NBAS: variants seen among roughly 807,000 people sequenced by gnomAD.
NBAS encodes the protein NAG/BC035112 fusion.
Under a neutral mutation model 302.5 loss-of-function variants are expected in NBAS, and 219 were observed. The observed-to-expected ratio is 0.72, with a 90% confidence interval of 0.65 to 0.81. The LOEUF (loss-of-function observed/expected upper bound fraction) is 0.81. NBAS is among the 30% of genes least tolerant of loss of function. The pLI, the probability that NBAS is intolerant of heterozygous loss-of-function variation, is 0.00. For synonymous variants in NBAS, 1,118 were observed against 1,021.6 expected (o/e 1.09, Z -1.80); for missense variants, 2,932 against 2,841.6 (o/e 1.03, Z -0.72).
At chr2:15,385,678 T>C (rs1675256768) in intron 28 of NBAS, among the ~76,000 whole-genome samples, 1 of 152,208 alleles carries the variant, frequency 6.6e-6, no homozygotes, top group South Asian at 2.1e-4. Context: ...TGTGAAGATT[T>C]GCTGACATCT....
At chr2:15,089,941 G>A in the NBAS span, among the ~76,000 whole-genome samples, 1 of 151,896 alleles carries the variant, frequency 6.6e-6, no homozygotes, top group African/African-American at 2.4e-5. Flanking sequence ...GTAGAGACGG[G>A]GTTTCACCAT....
intron 42 of NBAS, among the ~76,000 whole-genome samples, chr2:15,285,143 G>A (rs144529757): frequency 2.0e-5 from 3 of 152,212 alleles, no homozygotes; most frequent in Non-Finnish European, 2.9e-5. Context: ...CAAAAATGAC[G>A]TCCATGCAAT....
chr2:15,077,278 G>A, the NBAS span, among the ~76,000 whole-genome samples: 3 of 152,108 alleles, frequency 2.0e-5, no homozygotes, highest in African/African-American at 7.2e-5. Flanking sequence ...GAACAGCATG[G>A]GGGAAACTGC....
the NBAS span, among the ~76,000 whole-genome samples, chr2:14,880,657 A>T: frequency 3.6e-4 from 54 of 152,020 alleles, no homozygotes; most frequent in Admixed American, 7.9e-4. Flanking sequence ...GATGAAAAAG[A>T]CCAAAAGAAA....
intron 44 of NBAS, among the ~76,000 whole-genome samples, chr2:15,246,512 T>G (rs1371317941): frequency 6.6e-6 from 1 of 152,228 alleles, no homozygotes; most frequent in Non-Finnish European, 1.5e-5. Context: ...GCAATAAAAT[T>G]ACATGTTCTC....
chr2:15,100,338 G>A, the NBAS span, among the ~76,000 whole-genome samples: 1 of 152,168 alleles, frequency 6.6e-6, no homozygotes, highest in Non-Finnish European at 1.5e-5. Flanking sequence ...CAAGAGTGTG[G>A]TTATAAAGAT....
chr2:15,087,449 T>C, the NBAS span, among the ~76,000 whole-genome samples: 10,408 of 152,252 alleles, frequency 0.068, 858 homozygotes, highest in African/African-American at 0.18. Context: ...CCTTGGTCTG[T>C]CCTTCATCCC....
intron 21 of NBAS, among the ~76,000 whole-genome samples, chr2:15,440,588 C>G (rs1007659198): frequency 6.6e-6 from 1 of 152,152 alleles, no homozygotes; most frequent in Admixed American, 6.5e-5. Flanking sequence ...TGGAAACTCT[C>G]AAAAGCAGAG....
chr2:15,540,051 A>G (rs1268924079), intron 6 of NBAS, among the ~76,000 whole-genome samples: 2 of 152,236 alleles, frequency 1.3e-5, no homozygotes, highest in East Asian at 3.8e-4. Flanking sequence ...CAGCTGCAAA[A>G]GAAGAAAAAG....
At chr2:15,371,186 G>A (rs1158430973) in intron 31 of NBAS, among the ~76,000 whole-genome samples, 2 of 152,078 alleles carry the variant, frequency 1.3e-5, no homozygotes, top group Non-Finnish European at 2.9e-5. Context: ...TCTCTTTCCC[G>A]CCAACAGATG....
intron 19 of NBAS, among the ~76,000 whole-genome samples, chr2:15,464,093 C>T (rs2148565635): frequency 6.6e-6 from 1 of 152,282 alleles, no homozygotes; most frequent in East Asian, 1.9e-4. Flanking sequence ...CCACTCTTCT[C>T]TCTACTTCTT....
chr2:15,499,207 C>G (rs563020478), intron 11 of NBAS, among the ~76,000 whole-genome samples: 1 of 152,170 alleles, frequency 6.6e-6, no homozygotes, highest in Non-Finnish European at 1.5e-5. Context: ...GGATTACAGG[C>G]GTGAGCCACT....
chr2:15,517,144 G>A (rs990386261), intron 9 of NBAS, among the ~76,000 whole-genome samples: 2 of 151,836 alleles, frequency 1.3e-5, no homozygotes, highest in Non-Finnish European at 2.9e-5. Context: ...TTGTTTTTTA[G>A]GTTTTTTTAC....
chr2:15,030,624 C>A, the NBAS span, among the ~76,000 whole-genome samples: 2 of 152,110 alleles, frequency 1.3e-5, no homozygotes. Context: ...GTGAGGTTTG[C>A]AGATCTTGCT....
chr2:15,048,390 C>T, the NBAS span, among the ~76,000 whole-genome samples: 1 of 152,236 alleles, frequency 6.6e-6, no homozygotes, highest in Non-Finnish European at 1.5e-5. Flanking sequence ...TCAAAGAATG[C>T]CATGCCACCT....
At chr2:15,427,306 C>A (rs538414029) in intron 22 of NBAS, among the ~76,000 whole-genome samples, 1 of 152,064 alleles carries the variant, frequency 6.6e-6, no homozygotes, top group Non-Finnish European at 1.5e-5. Flanking sequence ...TCTCCCACCC[C>A]CCTTCTGCAG....
chr2:14,815,484 T>C, the NBAS span, among the ~76,000 whole-genome samples: 50 of 152,358 alleles, frequency 3.3e-4, no homozygotes, highest in African/African-American at 1.2e-3. Flanking sequence ...ATCCGAAAGC[T>C]GTGTCAACAA....
the NBAS span, among the ~76,000 whole-genome samples, chr2:14,891,209 C>T: frequency 6.6e-6 from 1 of 152,186 alleles, no homozygotes; most frequent in African/African-American, 2.4e-5. Context: ...GGCTACGGGA[C>T]AGGAGTCCCT....
At position 15,379,396 on chromosome 2, in the gene NBAS, C is replaced by T. The variant is rs1004419533; in HGVS notation, c.3590+206G>A. 2.1e-5 allele frequency among the ~76,000 whole-genome samples: 3 copies of T among 141,570 alleles called. No homozygotes were observed. The East Asian group carries it at 5.9e-4, about 28-fold the overall frequency. The allele number at this position is 141,570 out of a possible 152,430, so 92.9% of individuals were successfully genotyped here. A position where few individuals can be genotyped will look rare whatever the true frequency, so the allele number is the denominator to read the frequency against. On this transcript the variant is annotated intron_variant, in intron 30 of 51. Coordinates refer to ENST00000281513, the MANE Select transcript of NBAS (RefSeq NM_015909.4). ...ATCAGCAAAAATGACCATGGGAAAG[C>T]GCGCTGGAGAAAAATGTTTAAGAAG...
Sources: allele counts gnomAD v4.1 joint callset (sites outside exome capture counted in the v4.1 genomes callset), GRCh38; gene constraint gnomAD v4.1.1; transcripts MANE v1.5; gene names NCBI Gene and HGNC (gene_info 2026-07-23, HGNC 2026-07-21).